TRDN: variants seen among roughly 807,000 people sequenced by gnomAD.
The protein encoded by TRDN is triadin, also known as triadin in skeletal muscle.
In TRDN, 161 loss-of-function variants were observed where a neutral mutation model predicts 149.7. The observed-to-expected ratio is 1.08, with a 90% CI of 0.95 to 1.23. TRDN has a LOEUF of 1.23. TRDN is among the 50% of genes most tolerant of loss of function. The probability of loss-of-function intolerance (pLI) is 0.00; values close to 1 mark genes in which losing one functional copy is unlikely to be tolerated. For synonymous variants in TRDN, 294 were observed against 250.5 expected, an observed-to-expected ratio of 1.17 and a Z score of -1.64; for missense variants, 896 against 823.5, an observed-to-expected ratio of 1.09 and a Z score of -1.08.
chr6:123,514,171 C>T (rs1451085018), intron 6 of TRDN, among the ~76,000 whole-genome samples: 1 of 152,028 alleles, frequency 6.6e-6, no homozygotes, highest in Non-Finnish European at 1.5e-5. Context: ...ATGAGACCAG[C>T]CTGGCCAACA....
At chr6:123,496,952 A>G (rs532443693) in intron 9 of TRDN, among the ~76,000 whole-genome samples, 2 of 152,186 alleles carry the variant, frequency 1.3e-5, no homozygotes, top group East Asian at 1.9e-4. Context: ...CCTTATATGG[A>G]GAGATATTAG....
At chr6:123,259,872 C>T (rs1316794897) in intron 34 of TRDN, among the ~76,000 whole-genome samples, 1 of 151,820 alleles carries the variant, frequency 6.6e-6, no homozygotes, top group African/African-American at 2.4e-5. Flanking sequence ...TTGGCCTCCT[C>T]TTCCTCCTCT....
intron 2 of TRDN, among the ~76,000 whole-genome samples, chr6:123,551,203 GATAT>G (rs10547981): frequency 0.059 from 6,912 of 118,064 alleles, 971 homozygotes; most frequent in African/African-American, 0.15. Context: ...GTATTTTGCA[GATAT>G]ATATATATAT....
intron 12 of TRDN, among the ~76,000 whole-genome samples, chr6:123,425,975 A>G (rs1206010721): frequency 6.6e-6 from 1 of 152,106 alleles, no homozygotes; most frequent in Non-Finnish European, 1.5e-5. Context: ...GCTGCTGAGA[A>G]TGACCTTAGA....
At chr6:123,299,280 C>G (rs1452651762) in intron 24 of TRDN, among the ~76,000 whole-genome samples, 1 of 151,904 alleles carries the variant, frequency 6.6e-6, no homozygotes, top group Non-Finnish European at 1.5e-5. Flanking sequence ...AAGGAGAGCA[C>G]AGTAAAATGT....
chr6:123,511,037 AC>A (rs1400626864), intron 7 of TRDN, among the ~76,000 whole-genome samples: 1 of 152,128 alleles, frequency 6.6e-6, no homozygotes, highest in African/African-American at 2.4e-5. Context: ...TTGAGGTCTT[AC>A]TCAAGAAATC....
At chr6:123,239,378 A>G (rs1172546240) in intron 38 of TRDN, among the ~76,000 whole-genome samples, 2 of 152,180 alleles carry the variant, frequency 1.3e-5, no homozygotes, top group East Asian at 3.8e-4. Flanking sequence ...CAAAGAAGAT[A>G]CAGGGTAATT....
chr6:123,616,411 T>C (rs928719733), intron 1 of TRDN, among the ~76,000 whole-genome samples: 24 of 151,972 alleles, frequency 1.6e-4, no homozygotes, highest in African/African-American at 5.5e-4. Context: ...AAAAATCAAA[T>C]GTTTTCTTTT....
At chr6:123,349,964 CAAAG>C (rs942210120) in intron 21 of TRDN, 31 of 985,126 alleles carry the variant, frequency 3.1e-5, no homozygotes, top group African/African-American at 1.2e-4. Context: ...GCATCAAAAG[CAAAG>C]AAAGAAACTC....
chr6:123,409,253 TAC>T lies in TRDN; in HGVS notation c.1052-15578_1052-15577del, dbSNP rs534952139. Among the ~76,000 whole-genome samples, 303 of 152,326 alleles carry T rather than the reference TAC, an allele frequency of 2.0e-3. 3 individuals carry two copies. The highest frequency in any genetic ancestry group is 1.9e-3 in the Non-Finnish European group (127 of 68,018). On this transcript the variant is annotated intron_variant, in intron 12 of 40. Transcript: ENST00000334268. The stretch of plus-strand genomic sequence containing the variant: ...GTTCACAGTACTTATGTAGAATATT[TAC>T]AGTTTACAAGGCTCTTTGACATATA...
chr6:123,576,399 T>C (rs72962806), intron 1 of TRDN, among the ~76,000 whole-genome samples: 41,571 of 152,046 alleles, frequency 0.27, 6,104 homozygotes, highest in East Asian at 0.49. Context: ...CATAATGCAA[T>C]TTCAGAGGGT....
At chr6:123,375,961 A>C (rs1200292594) in intron 18 of TRDN, among the ~76,000 whole-genome samples, 1 of 152,148 alleles carries the variant, frequency 6.6e-6, no homozygotes, top group Non-Finnish European at 1.5e-5. Flanking sequence ...CATTTTCCTC[A>C]AAGTCTATAA....
intron 22 of TRDN, among the ~76,000 whole-genome samples, chr6:123,332,154 A>C (rs1779682604): frequency 6.6e-6 from 1 of 152,082 alleles, no homozygotes. Context: ...TAAGTTGTTC[A>C]ACAAGTTATA....
In TRDN at chr6:123,438,940, C is replaced by A; in HGVS notation, c.991+4G>T. ...ATGTGGTACATGGCTTTTAAATTTC[C>A]TACCTTTCTTTTTTGTTTCAGAAGT... On this transcript the variant is annotated splice_donor_region_variant and intron_variant, in intron 11 of 40. Transcript: ENST00000334268. 6.4e-7 allele frequency: 1 copy of A among 1,555,914 alleles called. No individual in the cohort carries two copies.
intron 24 of TRDN, among the ~76,000 whole-genome samples, chr6:123,279,674 A>G (rs1777514640): frequency 6.6e-6 from 1 of 152,022 alleles, no homozygotes; most frequent in African/African-American, 2.4e-5. Context: ...TAGCTCCACC[A>G]TTCTATGGAT....
chr6:123,632,889 T>A (rs1266487516), intron 1 of TRDN, among the ~76,000 whole-genome samples: 1 of 151,798 alleles, frequency 6.6e-6, no homozygotes, highest in African/African-American at 2.4e-5. Context: ...TAGTGAGTAA[T>A]CTTGTGCTGC....
chr6:123,621,724 T>C (rs998777388), intron 1 of TRDN, among the ~76,000 whole-genome samples: 3 of 152,162 alleles, frequency 2.0e-5, no homozygotes, highest in African/African-American at 7.2e-5. Flanking sequence ...CATAACTATG[T>C]TGTTTATCGA....
chr6:123,571,984 T>C (rs1189204778), intron 1 of TRDN, among the ~76,000 whole-genome samples: 1 of 152,186 alleles, frequency 6.6e-6, no homozygotes, highest in Non-Finnish European at 1.5e-5. Context: ...AAGTCCTAAA[T>C]ATAGAATTCC....
At chr6:123,456,692 C>T in intron 10 of TRDN, 1 of 406,700 alleles carries the variant, frequency 2.5e-6, no homozygotes, top group Non-Finnish European at 4.9e-6. Context: ...TGGTCTCTAA[C>T]TCCTGAGCTG....
Sources: gnomAD v4.1 joint callset for allele counts (sites outside exome capture counted in the v4.1 genomes callset) on GRCh38, gnomAD v4.1.1 for gene constraint, MANE v1.5 for transcripts, NCBI Gene and HGNC (gene_info 2026-07-23, HGNC 2026-07-21) for gene names.